Variants in BMPR2 observed in about 807,000 individuals in gnomAD.
BMPR2 encodes bone morphogenetic protein receptor type-2.
BMPR2 carries 29 observed loss-of-function variants against 100.8 expected under a neutral mutation model. The observed-to-expected ratio is 0.29, with a 90% CI of 0.21 to 0.39. The LOEUF is 0.39. BMPR2 is among the 10% of genes least tolerant of loss of function. The pLI, the probability that BMPR2 is intolerant of heterozygous loss-of-function variation, is 1.00. For missense variants in BMPR2, 1,011 were observed against 1,274.5 expected (o/e 0.79, Z 3.15); for synonymous variants, 382 against 442.3 (o/e 0.86, Z 1.71).
At chr2:202,523,529 C>T (rs188147600) in intron 7 of BMPR2, among the ~76,000 whole-genome samples, 8 of 152,222 alleles carry the variant, frequency 5.3e-5, no homozygotes, top group South Asian at 4.1e-4. Context: ...AATGGCCGGA[C>T]GTGGTGGATT....
rs989604762 is a variant in BMPR2 at position 202,448,496 on chromosome 2, G to A, written c.77-16313G>A. Among the ~76,000 whole-genome samples the A allele has an allele frequency of 6.0e-5, 9 of 149,744 alleles. No homozygotes were observed. In the South Asian group the frequency reaches 1.3e-3, roughly 22 times the overall value. ...AAAAAAAAAAAAGTGTTGCTCTGTC[G>A]CCCAGGCTGGAGTGCAATGACTTGG... On this transcript the variant is annotated intron_variant, in intron 1 of 12. Coordinates refer to ENST00000374580, the MANE Select transcript of BMPR2 (RefSeq NM_001204.7).
At position 202,503,059 on chromosome 2, in the gene BMPR2, C is replaced by G. The variant is rs1687433942; in HGVS notation, c.419-10660C>G. 6.6e-6 allele frequency among the ~76,000 whole-genome samples: 1 copy of G among 152,270 alleles called. No homozygotes were observed. The highest frequency in any genetic ancestry group is 1.5e-5 in the Non-Finnish European group (1 of 68,050). ...GAGGACTCCTGGACCGACCCTCTGG[C>G]ACTTCCCCTGGCCTAGAGAGTTCCC... On this transcript the variant is annotated intron_variant, in intron 3 of 12. Transcript: ENST00000374580. The surrounding 1 kb of genome is among the most constrained non-coding windows in gnomAD (Gnocchi z 4.0).
At chr2:202,552,588 G>A in intron 10 of BMPR2, 128 bp from the exon 11 acceptor site, 1 of 921,930 alleles carries the variant, frequency 1.1e-6, no homozygotes, top group East Asian at 2.6e-5. Flanking sequence ...CCTAAAATAT[G>A]TTATTAGAGC....
rs748199273 is a variant in BMPR2 at position 202,513,681 on chromosome 2, TA to T, written c.419-29del. On this transcript the variant is annotated intron_variant, in intron 3 of 12. Coordinates refer to ENST00000374580, the MANE Select transcript of BMPR2 (RefSeq NM_001204.7). ...GTCAGTATTTAACAAAATACTTTTT[TA>T]AAAAAAAATGACATTTCAAAATTTG... 4.0e-4 allele frequency: 556 copies of T among 1,394,828 alleles called. 2 individuals carry two copies. In the African/African-American group the frequency reaches 5.1e-3, roughly 13 times the overall value. The allele number at this position is 1,394,828 out of a possible 1,614,324, so 86.4% of individuals were successfully genotyped here.
intron 1 of BMPR2, among the ~76,000 whole-genome samples, chr2:202,452,507 G>A (rs1189475968): frequency 6.6e-6 from 1 of 152,142 alleles, no homozygotes; most frequent in Non-Finnish European, 1.5e-5. Context: ...CTAGTAGTCA[G>A]GCATTGTGGC....
intron 1 of BMPR2, among the ~76,000 whole-genome samples, chr2:202,389,711 G>T (rs1574422560): frequency 6.7e-6 from 1 of 148,832 alleles, no homozygotes; most frequent in Non-Finnish European, 1.5e-5. Context: ...GCTCGATCTT[G>T]GCTCACCGCA....
intron 1 of BMPR2, among the ~76,000 whole-genome samples, chr2:202,382,833 T>G (rs1690330978): frequency 6.6e-6 from 1 of 152,190 alleles, no homozygotes; most frequent in African/African-American, 2.4e-5. Context: ...AATATGGGGT[T>G]GTACTTGATC....
At chr2:202,441,261 ATATTCTT>A (rs1305711150) in intron 1 of BMPR2, among the ~76,000 whole-genome samples, 5 of 150,292 alleles carry the variant, frequency 3.3e-5, no homozygotes, top group Non-Finnish European at 5.9e-5. Context: ...GATTAAGAAA[ATATTCTT>A]AATACTAGTC....
chr2:202,528,345 G>A (rs1396329614), intron 7 of BMPR2, among the ~76,000 whole-genome samples: 1 of 152,172 alleles, frequency 6.6e-6, no homozygotes, highest in East Asian at 1.9e-4. Context: ...CCGCCACCAC[G>A]CCGAGCTGAT....
intron 3 of BMPR2, among the ~76,000 whole-genome samples, chr2:202,498,810 A>G (rs558894053): frequency 1.1e-4 from 17 of 152,282 alleles, no homozygotes; most frequent in Admixed American, 9.2e-4. Flanking sequence ...ACAAATTACA[A>G]TACTATCCTG....
At chr2:202,473,423 GC>G (rs1692474660) in intron 3 of BMPR2, among the ~76,000 whole-genome samples, 1 of 152,108 alleles carries the variant, frequency 6.6e-6, no homozygotes, top group South Asian at 2.1e-4. Context: ...GTGCACTCCA[GC>G]CTAGGCTACA....
chr2:202,446,990 A>G (rs1330174690), intron 1 of BMPR2, among the ~76,000 whole-genome samples: 1 of 149,108 alleles, frequency 6.7e-6, no homozygotes, highest in African/African-American at 2.6e-5. Flanking sequence ...CTGGTGTTTA[A>G]TACGGTCTTT....
intron 1 of BMPR2, 37 bp from the exon 2 acceptor site, chr2:202,464,769 CATT>C: frequency 3.9e-6 from 6 of 1,556,734 alleles, no homozygotes; most frequent in Non-Finnish European, 5.3e-6. Flanking sequence ...ATTTTGAAAA[CATT>C]AAATAATTTG....
intron 1 of BMPR2, among the ~76,000 whole-genome samples, chr2:202,421,961 T>G (rs978556509): frequency 6.6e-6 from 1 of 152,180 alleles, no homozygotes; most frequent in Non-Finnish European, 1.5e-5. Context: ...CAGGCTGGAG[T>G]GCAGTGGTGC....
At position 202,376,662 on chromosome 2, in the gene BMPR2, AAG is replaced by A. The variant is rs1690152476; in HGVS notation, c.-812_-811del. On this transcript the variant is annotated 5_prime_UTR_variant, in exon 1 of 13. Transcript: ENST00000374580. ...GGCAAGATCGAGCCGCAGGAATAAA[AAG>A]CGAGGAAGGGAAGGGAGCGCCGCCG... 6.8e-6 allele frequency among the ~76,000 whole-genome samples: 1 copy of A among 147,348 alleles called. No homozygotes were observed. The highest frequency in any genetic ancestry group is 2.5e-5 in the African/African-American group (1 of 40,004).
At chr2:202,496,644 A>C (rs1693035363) in intron 3 of BMPR2, among the ~76,000 whole-genome samples, 1 of 152,202 alleles carries the variant, frequency 6.6e-6, no homozygotes, top group South Asian at 2.1e-4. Flanking sequence ...CCAATACCTC[A>C]TTTCTGTTCC....
intron 1 of BMPR2, among the ~76,000 whole-genome samples, chr2:202,434,908 A>AATATATATATATATATATATATATATAT (rs1553500439): frequency 5.2e-5 from 2 of 38,418 alleles, no homozygotes; most frequent in Non-Finnish European, 8.7e-5. Context: ...AAAAAAAAAA[A>AATATATATATATATATATATATATATAT]ATATATATAT....
intron 1 of BMPR2, among the ~76,000 whole-genome samples, chr2:202,383,903 G>A (rs1357148308): frequency 6.6e-6 from 1 of 151,932 alleles, no homozygotes; most frequent in Non-Finnish European, 1.5e-5. Context: ...TGGGCCTGGT[G>A]GCTCATACCT....
chr2:202,529,228 T>A (rs1687971385), intron 7 of BMPR2, among the ~76,000 whole-genome samples: 1 of 152,248 alleles, frequency 6.6e-6, no homozygotes, highest in Non-Finnish European at 1.5e-5. Context: ...ATAGATTGAC[T>A]ATTTTTGGTC....
Sources: allele counts gnomAD v4.1 joint callset (sites outside exome capture counted in the v4.1 genomes callset), GRCh38; gene constraint gnomAD v4.1.1; non-coding constraint Gnocchi (gnomAD v3.1); transcripts MANE v1.5; gene names NCBI Gene and HGNC (gene_info 2026-07-23, HGNC 2026-07-21).